The following MACF1 variants were observed in gnomAD, a reference collection of about 807,000 sequenced individuals.
MACF1 encodes microtubule actin crosslinking factor 1.
MACF1 carries 193 observed loss-of-function variants against 854.8 expected under a neutral mutation model. That is an observed-to-expected ratio of 0.23 (90% CI 0.20 to 0.25). The LOEUF is 0.25. Among genes scored for constraint, MACF1 ranks in the 10% least tolerant of loss-of-function variants. MACF1 has a pLI of 1.00. For missense variants in MACF1, 7,722 were observed against 8,929.1 expected, an observed-to-expected ratio of 0.86 and a Z score of 5.45; for synonymous variants, 3,185 against 3,226.7, an observed-to-expected ratio of 0.99 and a Z score of 0.44.
chr1:39,331,824 G>C lies in MACF1; in HGVS notation c.5236G>C (p.Val1746Leu). Residue 1746 changes from valine to leucine, a missense_variant, in exon 37 of 101, where the codon GTT becomes CTT. Val to Leu is a conservative substitution (Grantham distance 32, BLOSUM62 1). Around this residue, in one of 15 missense-constraint regions of MACF1, gnomAD observed 1,531 missense variants for 1,601.6 expected, o/e 0.96. Coordinates refer to ENST00000564288, the MANE Select transcript of MACF1 (RefSeq NM_001394062.1). The stretch of plus-strand genomic sequence containing the variant: ...GGTGAGCTTGAAATCAGGCCGGAAG[G>C]TTAGCATTTTCCGTGCAGTTCAGGA... Reference protein sequence around the residue: ...GMVSLKSGRKVSIFRAVQEGL... With the variant: ...GMVSLKSGRKLSIFRAVQEGL... 1 of 1,614,154 alleles carries C rather than the reference G, an allele frequency of 6.2e-7. No homozygotes were observed. Among genetic ancestry groups the C allele is most frequent in the South Asian group, 1.1e-5 (1 of 91,082 alleles).
rs572731156 is a variant in MACF1, at chr1:39,224,104, A to T, written c.110-7078A>T. The stretch of plus-strand genomic sequence containing the variant: ...GTATAGGTCACAGCTGAAACTATGG[A>T]TGTTCATTAAATCATTAAGGGAGAA... On this transcript the variant is annotated intron_variant, in intron 1 of 100. Transcript: ENST00000564288. 2.6e-3 allele frequency among the ~76,000 whole-genome samples: 394 copies of T among 152,312 alleles called. 1 individual carries two copies. The highest frequency in any genetic ancestry group is 4.1e-3 in the Non-Finnish European group (281 of 68,034).
At chr1:39,217,592 AAAT>A (rs1415802976) in intron 1 of MACF1, among the ~76,000 whole-genome samples, 1 of 152,196 alleles carries the variant, frequency 6.6e-6, no homozygotes, top group Non-Finnish European at 1.5e-5. Context: ...AACAGACTCT[AAAT>A]CAGCCGGGTG....
chr1:39,414,233 C>T lies in MACF1; in HGVS notation c.15817-8141C>T, dbSNP rs200814881. The T allele has an allele frequency of 5.1e-4, 818 of 1,613,924 alleles. 3 individuals carry two copies. The highest frequency in any genetic ancestry group is 6.4e-4 in the Non-Finnish European group (752 of 1,179,906). Reference sequence around the variant, plus strand: ...ACCCCAGAGGTGCCTGCCATCCCAGCTGCTGCAGTGCCTCCTATGGAGGAA... The same window carrying T: ...ACCCCAGAGGTGCCTGCCATCCCAGTTGCTGCAGTGCCTCCTATGGAGGAA... On this transcript the variant is annotated intron_variant, in intron 58 of 100. Transcript: ENST00000564288.
intron 92 of MACF1, among the ~76,000 whole-genome samples, chr1:39,461,138 A>G (rs1357527313): frequency 6.6e-6 from 1 of 152,106 alleles, no homozygotes; most frequent in Admixed American, 6.5e-5. Context: ...CTGGGAAACA[A>G]TATGATTTGG....
chr1:39,103,132 TTG>T, intron 2 of MACF1: 1 of 475,052 alleles, frequency 2.1e-6, no homozygotes, highest in South Asian at 2.0e-5. Context: ...CTTCTTTGAT[TTG>T]TGTGTTTCTT....
In MACF1 at chr1:39,422,733, G is replaced by A. The variant is rs1321296224; in HGVS notation, c.15982G>A (p.Ala5328Thr). 21 of 1,613,554 alleles carry A rather than the reference G, an allele frequency of 1.3e-5. No homozygotes were observed. The highest frequency in any genetic ancestry group is 1.7e-5 in the Non-Finnish European group (20 of 1,179,616). ...ARWNTLNKKV[A>T]QRIAQLQEAL... ...AACCTACATGTTCATGATACAGGTC[G>A]CACAAAGAATTGCACAGCTACAGGA... The change falls in exon 60 of 101, where the codon GCA becomes ACA. Residue 5328 changes from alanine to threonine, a missense_variant. Transcript: ENST00000564288.
intron 97 of MACF1, among the ~76,000 whole-genome samples, chr1:39,475,053 G>C (rs1210156824): frequency 6.6e-6 from 1 of 152,124 alleles, no homozygotes; most frequent in Admixed American, 6.5e-5. Flanking sequence ...CCAGACCACT[G>C]GGTCCTGGGT....
chr1:39,240,036 G>A (rs955198006), intron 2 of MACF1, among the ~76,000 whole-genome samples: 1 of 152,120 alleles, frequency 6.6e-6, no homozygotes, highest in African/African-American at 2.4e-5. Flanking sequence ...ACAGGCATGA[G>A]CCACCACACC....
rs1428717871 is a variant in MACF1, at chr1:39,460,150, T to G, written c.21361-482T>G. ...GATACAACATTGGGTTCCCAATGCT[T>G]CCATCCAGAACTCAGATTTTCTCAT... On this transcript the variant is annotated intron_variant, in intron 91 of 100. Transcript: ENST00000564288. The surrounding 1 kb of genome is among the most constrained non-coding windows in gnomAD (Gnocchi z 4.1). Among the ~76,000 whole-genome samples, 1 of 152,204 alleles carries G rather than the reference T, an allele frequency of 6.6e-6. No homozygotes were observed. Among genetic ancestry groups the G allele is most frequent in the Non-Finnish European group, 1.5e-5 (1 of 68,030 alleles).
chr1:39,275,623 T>C (rs535558321), intron 6 of MACF1, among the ~76,000 whole-genome samples: 1 of 152,204 alleles, frequency 6.6e-6, no homozygotes, highest in Admixed American at 6.5e-5. Flanking sequence ...AACCTCTTCA[T>C]AGCACTTAAG....
chr1:39,413,380 C>T (rs1326769674), intron 58 of MACF1: 25 of 1,261,066 alleles, frequency 2.0e-5, no homozygotes, highest in Non-Finnish European at 2.4e-5. Context: ...CCCAGAGGAG[C>T]CCACCTCCCC....
intron 1 of MACF1, among the ~76,000 whole-genome samples, chr1:39,223,515 A>ATTT (rs767574940): frequency 1.4e-5 from 2 of 145,046 alleles, no homozygotes; most frequent in Non-Finnish European, 3.0e-5. Context: ...ATGCTATTTA[A>ATTT]TTTTTTTTTT....
At position 39,332,407 on chromosome 1, in the gene MACF1, A is replaced by C; in HGVS notation, c.5819A>C (p.Asn1940Thr). The change falls in exon 37 of 101, where the codon AAT becomes ACT. Residue 1940 changes from asparagine to threonine, a missense_variant. Coordinates refer to ENST00000564288, the MANE Select transcript of MACF1 (RefSeq NM_001394062.1). ...QLADSAEQNI[N>T]PGAAVLPCSK... ...GCAGACTCTGCAGAACAAAATATTA[A>C]TCCTGGAGCAGCAGTTCTACCGTGC... The C allele has an allele frequency of 6.2e-7, 1 of 1,614,018 alleles. No homozygotes were observed. The highest frequency in any genetic ancestry group is 8.5e-7 in the Non-Finnish European group (1 of 1,180,022).
chr1:39,106,266 C>T (rs959885518), intron 2 of MACF1, among the ~76,000 whole-genome samples: 2 of 152,068 alleles, frequency 1.3e-5, no homozygotes, highest in African/African-American at 4.8e-5. Flanking sequence ...GTGGCGAGAC[C>T]TTACCCCCTC....
chr1:39,468,539 TAC>T, intron 95 of MACF1, 74 bp from the exon 96 acceptor site: 1 of 1,185,962 alleles, frequency 8.4e-7, no homozygotes, highest in Non-Finnish European at 1.2e-6. Context: ...CCTGTCTGAA[TAC>T]AGTCTGCTTT....
intron 18 of MACF1, among the ~76,000 whole-genome samples, chr1:39,294,084 T>A (rs564749605): frequency 1.6e-4 from 25 of 152,324 alleles, no homozygotes; most frequent in South Asian, 2.1e-4. Flanking sequence ...AGATTAAGAT[T>A]TAATAAGCTA....
intron 20 of MACF1, among the ~76,000 whole-genome samples, chr1:39,296,188 G>A (rs1645896565): frequency 6.6e-6 from 1 of 152,152 alleles, no homozygotes; most frequent in Non-Finnish European, 1.5e-5. Flanking sequence ...CAACCCATGT[G>A]TCTCTAGCAT....
rs545342071 is a variant in MACF1 at position 39,396,503 on chromosome 1, C to T, written c.15816+7845C>T. Among the ~76,000 whole-genome samples, 22 of 152,196 alleles carry T rather than the reference C, an allele frequency of 1.4e-4. No individual in the cohort carries two copies. In the South Asian group the frequency reaches 4.6e-3, roughly 32 times the overall value. On this transcript the variant is annotated intron_variant, in intron 58 of 100. Transcript: ENST00000564288. Reference sequence around the variant, plus strand: ...CAGAAAAACTAGAATGTATCCTGTGCAGAACTTGTATGTATTGATCGTTTA... The same window carrying T: ...CAGAAAAACTAGAATGTATCCTGTGTAGAACTTGTATGTATTGATCGTTTA...
chr1:39,166,881 G>C lies in MACF1; in HGVS notation c.221-64301G>C, dbSNP rs1026602137. Among the ~76,000 whole-genome samples the C allele has an allele frequency of 2.0e-5, 3 of 152,148 alleles. No individual in the cohort carries two copies. In the East Asian group the frequency reaches 5.8e-4, roughly 29 times the overall value. Reference sequence around the variant, plus strand: ...TATAGGGATCATTTACAGGGAAGTGGGGATATAGCTAAGCCAGTAAGTATG... The same window carrying C: ...TATAGGGATCATTTACAGGGAAGTGCGGATATAGCTAAGCCAGTAAGTATG... On this transcript the variant is annotated intron_variant, in intron 2 of 93. Coordinates refer to the MACF1 transcript ENST00000361689.
Sources: gnomAD v4.1 joint callset for allele counts (sites outside exome capture counted in the v4.1 genomes callset) on GRCh38, gnomAD v4.1.1 for gene constraint, gnomAD v4.1.1 regional missense constraint, Gnocchi (gnomAD v3.1) non-coding constraint, MANE v1.5 for transcripts, NCBI Gene and HGNC (gene_info 2026-07-23, HGNC 2026-07-21) for gene names.